KIAA1217: variants seen among roughly 807,000 people sequenced by gnomAD.
KIAA1217 encodes KIAA1217, also known as sickle tail protein homolog.
Under a neutral mutation model 163.9 loss-of-function variants are expected in KIAA1217, and 88 were observed. The observed-to-expected ratio is 0.54, with a 90% CI of 0.45 to 0.64. The LOEUF is 0.64. KIAA1217 is among the 30% of genes least tolerant of loss of function. KIAA1217 has a pLI of 0.00. For missense variants in KIAA1217, 2,372 were observed against 2,475.0 expected (o/e 0.96, Z 0.88); for synonymous variants, 903 against 923.1 (o/e 0.98, Z 0.39).
intron 1 of KIAA1217, among the ~76,000 whole-genome samples, chr10:23,760,709 G>C (rs1037171645): frequency 6.6e-6 from 1 of 152,214 alleles, no homozygotes; most frequent in African/African-American, 2.4e-5. Flanking sequence ...GGGAGGCCCA[G>C]GTGGGAAGAT....
chr10:24,433,549 A>C (rs1046216141), intron 4 of KIAA1217, among the ~76,000 whole-genome samples: 1 of 152,184 alleles, frequency 6.6e-6, no homozygotes, highest in Non-Finnish European at 1.5e-5. Context: ...TGAATGCTAC[A>C]TCTGAAAAGA....
At chr10:24,426,267 G>C (rs1191539151) in intron 3 of KIAA1217, among the ~76,000 whole-genome samples, 2 of 152,160 alleles carry the variant, frequency 1.3e-5, no homozygotes, top group East Asian at 3.8e-4. Context: ...ACCTAACTCT[G>C]TACTCTATCT....
chr10:23,741,806 G>A (rs1423690322), intron 1 of KIAA1217, among the ~76,000 whole-genome samples: 1 of 152,166 alleles, frequency 6.6e-6, no homozygotes, highest in Admixed American at 6.6e-5. Flanking sequence ...AGGGATATAG[G>A]CACAGGGGAT....
At chr10:23,957,921 T>C (rs1396712262) in intron 1 of KIAA1217, among the ~76,000 whole-genome samples, 2 of 152,222 alleles carry the variant, frequency 1.3e-5, no homozygotes, top group African/African-American at 4.8e-5. Flanking sequence ...GGTGGCTGAC[T>C]GCTGTGTCCT....
chr10:24,157,157 C>A (rs1317774443), intron 2 of KIAA1217, among the ~76,000 whole-genome samples: 1 of 152,214 alleles, frequency 6.6e-6, no homozygotes, highest in East Asian at 1.9e-4. Context: ...AGTTATTCCA[C>A]TTCCTTACCA....
chr10:24,066,126 C>T (rs2060934785), intron 2 of KIAA1217, among the ~76,000 whole-genome samples: 1 of 152,154 alleles, frequency 6.6e-6, no homozygotes, highest in African/African-American at 2.4e-5. Context: ...TTAATTGGAG[C>T]ATTTAGCCCA....
rs149447362 is a variant in KIAA1217 at position 24,360,450 on chromosome 10, C to T, written c.355-20419C>T. Among the ~76,000 whole-genome samples the T allele has an allele frequency of 6.4e-3, 968 of 152,274 alleles. 7 individuals carry two copies. Among genetic ancestry groups the T allele is most frequent in the Middle Eastern group, 0.017 (5 of 294 alleles). On this transcript the variant is annotated intron_variant, in intron 2 of 20. Coordinates refer to ENST00000376454, the MANE Select transcript of KIAA1217 (RefSeq NM_019590.5). ...CCTCAGTGGTAACTTTATGAAATCT[C>T]TTAGACTTGCAGCAATCAAGCCTCT...
At chr10:23,975,324 C>T (rs1806641552) in intron 1 of KIAA1217, among the ~76,000 whole-genome samples, 1 of 152,088 alleles carries the variant, frequency 6.6e-6, no homozygotes, top group African/African-American at 2.4e-5. Flanking sequence ...CAGGGAAATG[C>T]TTGGCTGGCG....
intron 1 of KIAA1217, among the ~76,000 whole-genome samples, chr10:23,800,942 A>T (rs1378057779): frequency 6.6e-6 from 1 of 152,186 alleles, no homozygotes; most frequent in Admixed American, 6.5e-5. Context: ...CTAGAACCGG[A>T]AATACCATTT....
chr10:23,913,634 G>C (rs879171597), intron 1 of KIAA1217, among the ~76,000 whole-genome samples: 1 of 152,098 alleles, frequency 6.6e-6, no homozygotes, highest in Admixed American at 6.5e-5. Flanking sequence ...GGTTGTTGGG[G>C]CACCAGGCAG....
rs779189365 is a variant in KIAA1217, at chr10:24,543,774, T to G, written c.4504T>G (p.Ser1502Ala). The change falls in exon 19 of 21, where the codon TCT becomes GCT. Residue 1502 changes from serine to alanine, a missense_variant. By Grantham distance (99) the Ser-to-Ala change is moderately conservative. This residue lies in a region of KIAA1217 where 690 missense variants were observed against 677.5 expected (regional missense o/e 1.02). Coordinates refer to ENST00000376454, the MANE Select transcript of KIAA1217 (RefSeq NM_019590.5). ...CCAGAATAATAACACTTCCCAGATG[T>G]CTCATAAGAAGGTGGCCCCAGGCAA... ...VVQNNNTSQM[S>A]HKKVAPGNLR... is the part of the protein sequence containing the mutation. 1.2e-6 allele frequency: 2 copies of G among 1,613,356 alleles called. No individual in the cohort carries two copies. The highest frequency in any genetic ancestry group is 1.7e-6 in the Non-Finnish European group (2 of 1,179,732).
intron 2 of KIAA1217, among the ~76,000 whole-genome samples, chr10:24,249,792 C>T (rs1397517182): frequency 2.0e-5 from 3 of 152,178 alleles, no homozygotes; most frequent in African/African-American, 7.2e-5. Context: ...CTAGCCTAGA[C>T]AGTTCGTTCT....
intron 1 of KIAA1217, among the ~76,000 whole-genome samples, chr10:24,212,780 A>G (rs1447151387): frequency 6.6e-6 from 1 of 152,176 alleles, no homozygotes; most frequent in Non-Finnish European, 1.5e-5. Context: ...ACAATGTGAT[A>G]TTCCACAGCA....
At chr10:24,262,205 A>T (rs922816401) in intron 2 of KIAA1217, among the ~76,000 whole-genome samples, 2 of 152,210 alleles carry the variant, frequency 1.3e-5, no homozygotes, top group Non-Finnish European at 2.9e-5. Flanking sequence ...AGAGAACCGC[A>T]CAAGGACTTC....
intron 2 of KIAA1217, among the ~76,000 whole-genome samples, chr10:24,317,258 G>A (rs143545648): frequency 5.9e-5 from 9 of 152,038 alleles, no homozygotes; most frequent in South Asian, 2.1e-4. Flanking sequence ...TCTTTTGTCC[G>A]CATTTAATTT....
At chr10:24,196,599 G>A (rs2067001639) in intron 2 of KIAA1217, among the ~76,000 whole-genome samples, 1 of 152,212 alleles carries the variant, frequency 6.6e-6, no homozygotes, top group Admixed American at 6.5e-5. Flanking sequence ...ACGTTCATAT[G>A]CAGCCTTTTG....
chr10:23,713,084 G>A (rs567679175), intron 1 of KIAA1217, among the ~76,000 whole-genome samples: 2 of 152,114 alleles, frequency 1.3e-5, no homozygotes, highest in African/African-American at 4.8e-5. Flanking sequence ...AAAGAGCTGG[G>A]GAGGAGTATG....
At chr10:24,311,327 C>T (rs556927145) in intron 2 of KIAA1217, among the ~76,000 whole-genome samples, 21 of 152,244 alleles carry the variant, frequency 1.4e-4, no homozygotes, top group Non-Finnish European at 2.2e-4. Context: ...GCTACTCTGC[C>T]GTGGTTGAAG....
intron 2 of KIAA1217, among the ~76,000 whole-genome samples, chr10:24,249,034 T>C (rs566194135): frequency 1.3e-5 from 2 of 152,346 alleles, no homozygotes; most frequent in South Asian, 4.1e-4. Flanking sequence ...ATGCACAGAA[T>C]GCATTAAAAC....
Sources: allele counts gnomAD v4.1 joint callset (sites outside exome capture counted in the v4.1 genomes callset), GRCh38; gene constraint gnomAD v4.1.1; regional missense constraint gnomAD v4.1.1; transcripts MANE v1.5; gene names NCBI Gene and HGNC (gene_info 2026-07-23, HGNC 2026-07-21).